DIP2C: variants seen among roughly 807,000 people sequenced by gnomAD.
DIP2C encodes disco-interacting protein 2 homolog C.
Under a neutral mutation model 192.4 loss-of-function variants are expected in DIP2C, and 33 were observed. That is an observed-to-expected ratio of 0.17 (90% CI 0.13 to 0.23). The LOEUF is 0.23. DIP2C is among the 10% of genes least tolerant of loss of function. DIP2C has a pLI of 1.00. For missense variants in DIP2C, 1,537 were observed against 2,110.1 expected (o/e 0.73, Z 5.32); for synonymous variants, 979 against 864.1 (o/e 1.13, Z -2.33).
intron 1 of DIP2C, among the ~76,000 whole-genome samples, chr10:615,648 G>A (rs774230453): frequency 6.6e-6 from 1 of 151,792 alleles, no homozygotes; most frequent in Non-Finnish European, 1.5e-5. Flanking sequence ...ACACACACAG[G>A]GTTTGCTTAG....
At chr10:534,927 C>T (rs1483487962) in intron 1 of DIP2C, among the ~76,000 whole-genome samples, 2 of 152,124 alleles carry the variant, frequency 1.3e-5, no homozygotes, top group East Asian at 1.9e-4. Flanking sequence ...CCACCCGCCT[C>T]GGCCTCCCAA....
At chr10:672,030 C>G (rs1017011784) in intron 1 of DIP2C, among the ~76,000 whole-genome samples, 1 of 145,748 alleles carries the variant, frequency 6.9e-6, no homozygotes, top group African/African-American at 2.6e-5. Context: ...CACAGACGCA[C>G]GGAAGGAGGA....
At chr10:377,150 T>TA in intron 17 of DIP2C, among the ~76,000 whole-genome samples, 1 of 152,110 alleles carries the variant, frequency 6.6e-6, no homozygotes, top group Middle Eastern at 3.4e-3. Flanking sequence ...AGTTTTTTTT[T>TA]TTTTTTTGCA....
At chr10:473,415 G>A (rs1489086149) in intron 2 of DIP2C, among the ~76,000 whole-genome samples, 1 of 151,534 alleles carries the variant, frequency 6.6e-6, no homozygotes, top group Non-Finnish European at 1.5e-5. Context: ...CCACAGTTCC[G>A]TGAACGGCTC....
chr10:452,045 CAG>C (rs1017292471), intron 3 of DIP2C, among the ~76,000 whole-genome samples: 5 of 152,102 alleles, frequency 3.3e-5, no homozygotes, highest in Admixed American at 6.5e-5. Flanking sequence ...CAGACGAGGA[CAG>C]AGAGTGGTTT....
rs1965784847 is a variant in DIP2C, at chr10:417,733, C to CACCT, written c.739+1331_739+1332insAGGT. Among the ~76,000 whole-genome samples the CACCT allele has an allele frequency of 1.6e-5, 2 of 126,472 alleles. 1 individual carries two copies. The highest frequency in any genetic ancestry group is 6.6e-5 in the African/African-American group (2 of 30,500). The allele number at this position is 126,472 out of a possible 152,430, so 83.0% of individuals were successfully genotyped here. On this transcript the variant is annotated intron_variant, in intron 6 of 36. Coordinates refer to ENST00000280886, the MANE Select transcript of DIP2C (RefSeq NM_014974.3). ...TCAAATAGGCCTCCCTGTCTGCCTG[C>CACCT]GCCTGTCAGGGCTCGGATAGGCATC... is the stretch of plus-strand genomic sequence containing the variant.
chr10:629,265 G>T (rs1212751375), intron 1 of DIP2C, among the ~76,000 whole-genome samples: 1 of 152,086 alleles, frequency 6.6e-6, no homozygotes, highest in Admixed American at 6.5e-5. Context: ...GCGGCTGTGA[G>T]GATCCCTCTC....
intron 1 of DIP2C, among the ~76,000 whole-genome samples, chr10:518,301 T>TA (rs1846490910): frequency 6.6e-6 from 1 of 152,240 alleles, no homozygotes; most frequent in Non-Finnish European, 1.5e-5. Flanking sequence ...CAGGATAGCT[T>TA]ATGAGTACAA....
chr10:466,035 CTACTT>C (rs1343175364), intron 3 of DIP2C, among the ~76,000 whole-genome samples: 1 of 151,436 alleles, frequency 6.6e-6, no homozygotes, highest in African/African-American at 2.4e-5. Flanking sequence ...TTGGAAAAAA[CTACTT>C]TAAAGTTCAT....
At chr10:427,826 G>A (rs556384393) in intron 4 of DIP2C, among the ~76,000 whole-genome samples, 4 of 152,244 alleles carry the variant, frequency 2.6e-5, no homozygotes, top group Admixed American at 2.6e-4. Context: ...ATGTAAAATG[G>A]TACAGCTATT....
At chr10:550,692 A>G (rs534391134) in intron 1 of DIP2C, among the ~76,000 whole-genome samples, 1 of 151,454 alleles carries the variant, frequency 6.6e-6, no homozygotes, top group Non-Finnish European at 1.5e-5. Flanking sequence ...TCAGGTGGAG[A>G]AAAAAAAATG....
intron 1 of DIP2C, among the ~76,000 whole-genome samples, chr10:590,978 C>G (rs1851368336): frequency 6.6e-6 from 1 of 152,172 alleles, no homozygotes; most frequent in Non-Finnish European, 1.5e-5. Context: ...GTGGCAAGGC[C>G]CAAGCTGGGT....
At chr10:575,850 A>G (rs1232941927) in intron 1 of DIP2C, among the ~76,000 whole-genome samples, 1 of 152,248 alleles carries the variant, frequency 6.6e-6, no homozygotes, top group Admixed American at 6.5e-5. Context: ...GGTCATTTTC[A>G]GAAACGTGCA....
intron 1 of DIP2C, among the ~76,000 whole-genome samples, chr10:576,617 C>T (rs1311363987): frequency 6.6e-6 from 1 of 152,170 alleles, no homozygotes; most frequent in Non-Finnish European, 1.5e-5. Context: ...AATATTAAAA[C>T]AGAAGATCAG....
At position 422,897 on chromosome 10, in the gene DIP2C, G is replaced by A. The variant is rs1325605439; in HGVS notation, c.531C>T (p.Ser177=). 3.1e-6 allele frequency: 5 copies of A among 1,613,814 alleles called. No individual in the cohort carries two copies. The highest frequency in any genetic ancestry group is 3.4e-6 in the Non-Finnish European group (4 of 1,180,046). Residue 177 remains serine (S), a synonymous_variant, in exon 5 of 37, where the codon TCC becomes TCT. Coordinates refer to ENST00000280886, the MANE Select transcript of DIP2C (RefSeq NM_014974.3). ...AIHGSTTSTT[S]SSSTQSGGSG... Reference sequence around the variant, plus strand: ...TGCCCCCGCTCTGCGTAGAGGACGAGGAGGTGGTGGACGTGGTGGAGCCGT... The same window carrying A: ...TGCCCCCGCTCTGCGTAGAGGACGAAGAGGTGGTGGACGTGGTGGAGCCGT...
chr10:590,644 C>T (rs927875204), intron 1 of DIP2C, among the ~76,000 whole-genome samples: 5 of 152,228 alleles, frequency 3.3e-5, no homozygotes, highest in Non-Finnish European at 7.3e-5. Context: ...AGCCAGAGGC[C>T]ATAGTCTGCT....
chr10:349,708 T>C (rs1436550432), intron 24 of DIP2C, among the ~76,000 whole-genome samples: 1 of 152,188 alleles, frequency 6.6e-6, no homozygotes, highest in Non-Finnish European at 1.5e-5. Flanking sequence ...AACATCTAGA[T>C]ATATTTAGAG....
chr10:511,908 C>T (rs548230007), intron 1 of DIP2C, among the ~76,000 whole-genome samples: 1 of 152,362 alleles, frequency 6.6e-6, no homozygotes, highest in East Asian at 1.9e-4. Context: ...CTGTCCTTTA[C>T]TGTCTGTTCC....
intron 4 of DIP2C, among the ~76,000 whole-genome samples, 175 bp from the exon 5 acceptor site, chr10:423,208 CATA>C (rs977313032): frequency 6.6e-6 from 1 of 152,200 alleles, no homozygotes; most frequent in Non-Finnish European, 1.5e-5. Context: ...TTTATTTTAG[CATA>C]ATGAGTTTTT....
Sources: allele counts gnomAD v4.1 joint callset (sites outside exome capture counted in the v4.1 genomes callset), GRCh38; gene constraint gnomAD v4.1.1; transcripts MANE v1.5; gene names NCBI Gene and HGNC (gene_info 2026-07-23, HGNC 2026-07-21).